Variants in RGS5 observed in about 807,000 individuals in gnomAD.
RGS5 encodes the protein regulator of G protein signaling 5.
A neutral mutation model predicts 18.9 loss-of-function variants in RGS5; 20 were observed. The observed-to-expected ratio is 1.06, with a 90% confidence interval of 0.74 to 1.54. RGS5 has a LOEUF of 1.54. Ranked by LOEUF, RGS5 falls within the 40% of genes most tolerant of loss-of-function variation. The pLI, the probability that RGS5 is intolerant of heterozygous loss-of-function variation, is 0.00. For synonymous variants in RGS5, 57 were observed against 76.2 expected, an observed-to-expected ratio of 0.75 and a Z score of 1.31; for missense variants, 201 against 211.8, an observed-to-expected ratio of 0.95 and a Z score of 0.32.
chr1:163,319,922 T>C (rs1338576211), intron 1 of RGS5, among the ~76,000 whole-genome samples: 1 of 152,200 alleles, frequency 6.6e-6, no homozygotes, highest in Non-Finnish European at 1.5e-5. Flanking sequence ...CTGACCAGTA[T>C]CAGGCAACTA....
intron 1 of RGS5, among the ~76,000 whole-genome samples, chr1:163,198,413 C>T (rs1659652209): frequency 6.6e-6 from 1 of 152,048 alleles, no homozygotes; most frequent in African/African-American, 2.4e-5. Flanking sequence ...CTAATAACTG[C>T]ACTGGTTCCT....
At chr1:163,249,438 C>T (rs1220600838) in intron 2 of RGS5, among the ~76,000 whole-genome samples, 1 of 152,184 alleles carries the variant, frequency 6.6e-6, no homozygotes, top group Non-Finnish European at 1.5e-5. Context: ...TTTTGCCAAA[C>T]CGTTAATATT....
chr1:163,242,810 G>A (rs1352880095), intron 2 of RGS5, among the ~76,000 whole-genome samples: 1 of 152,164 alleles, frequency 6.6e-6, no homozygotes, highest in Non-Finnish European at 1.5e-5. Flanking sequence ...TTTCTATAGG[G>A]AACCTCTAAC....
intron 2 of RGS5, chr1:163,162,876 T>C (rs978549193): frequency 6.6e-6 from 1 of 152,190 alleles, no homozygotes; most frequent in Non-Finnish European, 1.5e-5. Context: ...TGCATTATGA[T>C]GTGAGTTCTT....
chr1:163,169,603 C>G (rs1475410113), intron 1 of RGS5, among the ~76,000 whole-genome samples: 1 of 152,174 alleles, frequency 6.6e-6, no homozygotes, highest in East Asian at 1.9e-4. Context: ...TTGCATTTCT[C>G]TGATGGCCAG....
intron 2 of RGS5, among the ~76,000 whole-genome samples, chr1:163,231,758 A>G (rs1485430137): frequency 6.6e-6 from 1 of 151,676 alleles, no homozygotes; most frequent in East Asian, 1.9e-4. Flanking sequence ...TAAAATTAAA[A>G]AAAAAAAAAA....
chr1:163,306,606 A>G (rs4656391), intron 1 of RGS5, among the ~76,000 whole-genome samples: 65,894 of 151,976 alleles, frequency 0.43, 14,837 homozygotes, highest in South Asian at 0.55. Context: ...TCCCAATCCC[A>G]AATACTTCAG....
intron 1 of RGS5, among the ~76,000 whole-genome samples, chr1:163,178,120 T>C (rs551412028): frequency 6.6e-6 from 1 of 152,072 alleles, no homozygotes; most frequent in East Asian, 1.9e-4. Context: ...CTAGACAACA[T>C]GGTGAACACT....
upstream of RGS5, among the ~76,000 whole-genome samples, chr1:163,207,195 T>G (rs187426722): frequency 2.2e-4 from 34 of 152,348 alleles, no homozygotes; most frequent in East Asian, 6.2e-3. Flanking sequence ...AAGTGTAAAG[T>G]CTATACCTCC....
intron 3 of RGS5, among the ~76,000 whole-genome samples, chr1:163,156,389 T>G (rs1289884741): frequency 6.6e-6 from 1 of 152,182 alleles, no homozygotes; most frequent in Non-Finnish European, 1.5e-5. Flanking sequence ...AATTTAAAAT[T>G]AATCTTTTAA....
chr1:163,227,583 C>T (rs1274171330), intron 2 of RGS5, among the ~76,000 whole-genome samples: 2 of 151,570 alleles, frequency 1.3e-5, no homozygotes, highest in African/African-American at 4.9e-5. Context: ...TCATTCCACC[C>T]CCACCCCTCC....
At chr1:163,231,064 G>C (rs1200583581) in intron 2 of RGS5, among the ~76,000 whole-genome samples, 1 of 152,220 alleles carries the variant, frequency 6.6e-6, no homozygotes, top group Non-Finnish European at 1.5e-5. Context: ...CAATACAGCA[G>C]AGCGGAGGCG....
intron 1 of RGS5, among the ~76,000 whole-genome samples, chr1:163,316,085 T>C (rs1307416171): frequency 1.3e-5 from 2 of 152,186 alleles, no homozygotes; most frequent in Non-Finnish European, 2.9e-5. Flanking sequence ...TATATAAAAT[T>C]ATACACTACA....
chr1:163,272,037 CCT>C (rs1333900039), intron 2 of RGS5, among the ~76,000 whole-genome samples: 1 of 150,834 alleles, frequency 6.6e-6, no homozygotes, highest in African/African-American at 2.4e-5. Flanking sequence ...TCTCTGTCTC[CCT>C]CTCTCTCTCT....
At position 163,195,825 on chromosome 1, in the gene RGS5, G is replaced by T. The variant is rs188308118; in HGVS notation, c.44+6967C>A. Among the ~76,000 whole-genome samples, 240 of 151,934 alleles carry T rather than the reference G, an allele frequency of 1.6e-3. 1 individual carries two copies. Among genetic ancestry groups the T allele is most frequent in the Non-Finnish European group, 2.5e-3 (172 of 67,966 alleles). On this transcript the variant is annotated intron_variant, in intron 1 of 4. Transcript: ENST00000313961. ...TAAAAGGAAAATAATTGTTTAATAG[G>T]GGTCCTTCTACTAAAAACTAGTCAC...
chr1:163,155,897 C>T (rs533409372), intron 3 of RGS5, among the ~76,000 whole-genome samples: 1 of 152,222 alleles, frequency 6.6e-6, no homozygotes, highest in South Asian at 2.1e-4. Flanking sequence ...TGGAAACACT[C>T]CAGGTTGTAA....
At chr1:163,283,508 T>TATC (rs1006684983) in intron 2 of RGS5, among the ~76,000 whole-genome samples, 8 of 152,186 alleles carry the variant, frequency 5.3e-5, no homozygotes, top group African/African-American at 1.9e-4. Context: ...GGCTCTAAGG[T>TATC]ATCTCCCCTA....
chr1:163,298,956 A>G (rs948567148), intron 2 of RGS5, among the ~76,000 whole-genome samples: 6 of 152,188 alleles, frequency 3.9e-5, no homozygotes, highest in Non-Finnish European at 8.8e-5. Flanking sequence ...TTGCCTTTAG[A>G]GAACAATCAA....
chr1:163,312,110 T>C (rs1649884279), intron 1 of RGS5, among the ~76,000 whole-genome samples: 1 of 152,216 alleles, frequency 6.6e-6, no homozygotes. Context: ...GGTGGTTTCC[T>C]CCATGCTGTT....
Sources: allele counts gnomAD v4.1 joint callset (sites outside exome capture counted in the v4.1 genomes callset), GRCh38; gene constraint gnomAD v4.1.1; transcripts MANE v1.5; gene names NCBI Gene and HGNC (gene_info 2026-07-23, HGNC 2026-07-21).